TENM3: variants seen among roughly 807,000 people sequenced by gnomAD.
TENM3 encodes the protein teneurin transmembrane protein 3.
Under a neutral mutation model 255.1 loss-of-function variants are expected in TENM3, and 63 were observed. The observed-to-expected ratio is 0.25, with a 90% confidence interval of 0.20 to 0.30. The LOEUF (loss-of-function observed/expected upper bound fraction) is 0.30, where lower values mean the gene tolerates loss of function less well. Ranked by LOEUF, TENM3 falls within the 10% of genes least tolerant of loss-of-function variation. The pLI is 1.00. For missense variants in TENM3, 2,929 were observed against 3,461.1 expected (o/e 0.85, Z 3.86); for synonymous variants, 1,306 against 1,322.3 (o/e 0.99, Z 0.27).
the TENM3 span, among the ~76,000 whole-genome samples, chr4:181,527,613 C>T: frequency 6.7e-6 from 1 of 150,064 alleles, no homozygotes; most frequent in Non-Finnish European, 1.5e-5. Flanking sequence ...CCACCATGCC[C>T]AGCCAGGTTT....
At chr4:181,696,155 C>T in the TENM3 span, among the ~76,000 whole-genome samples, 11 of 152,216 alleles carry the variant, frequency 7.2e-5, no homozygotes, top group Non-Finnish European at 1.3e-4. Context: ...TTCCAGCTAT[C>T]GATGTACATG....
chr4:182,721,374 G>A (rs1759717771), intron 13 of TENM3, among the ~76,000 whole-genome samples: 1 of 152,068 alleles, frequency 6.6e-6, no homozygotes, highest in Non-Finnish European at 1.5e-5. Flanking sequence ...TTCCAAGGAC[G>A]ATATCTTAGA....
chr4:182,432,117 G>T (rs551402189), intron 3 of TENM3, among the ~76,000 whole-genome samples: 3 of 151,156 alleles, frequency 2.0e-5, no homozygotes, highest in Admixed American at 1.3e-4. Context: ...AAGAAAAAAA[G>T]TAAGAGCCAG....
At chr4:181,621,280 A>T in the TENM3 span, among the ~76,000 whole-genome samples, 1 of 152,142 alleles carries the variant, frequency 6.6e-6, no homozygotes, top group South Asian at 2.1e-4. Context: ...TAAATGAATG[A>T]TTTTCTTCAT....
At chr4:181,875,421 A>ATTCTT in the TENM3 span, among the ~76,000 whole-genome samples, 6 of 147,828 alleles carry the variant, frequency 4.1e-5, no homozygotes, top group African/African-American at 1.5e-4. Context: ...TTAGGAACCT[A>ATTCTT]TTTTTTTTTT....
Position 182,260,766 on chromosome 4 carries a change from A to G in TENM3, c.-76+17290A>G, listed in dbSNP as rs72698054. On this transcript the variant is annotated intron_variant, in intron 1 of 27. Transcript: ENST00000511685. The stretch of plus-strand genomic sequence containing the variant: ...GTAGAAAATCAAATCAACATACTGA[A>G]CTCATATAATACTGACAACTATGAA... 2.2e-3 allele frequency among the ~76,000 whole-genome samples: 335 copies of G among 152,326 alleles called. 5 individuals carry two copies. The highest frequency in any genetic ancestry group is 6.7e-3 in the Admixed American group (103 of 15,300).
chr4:182,710,257 T>C (rs1028711778), intron 12 of TENM3, among the ~76,000 whole-genome samples: 3 of 152,234 alleles, frequency 2.0e-5, no homozygotes, highest in Non-Finnish European at 4.4e-5. Flanking sequence ...ACTTTCTTTA[T>C]GTTCAAATCA....
chr4:182,012,012 C>A, the TENM3 span, among the ~76,000 whole-genome samples: 1 of 152,098 alleles, frequency 6.6e-6, no homozygotes, highest in Non-Finnish European at 1.5e-5. Context: ...GGCCCCCAAC[C>A]GACAGCCGGC....
the TENM3 span, among the ~76,000 whole-genome samples, chr4:181,498,856 C>T: frequency 6.6e-6 from 1 of 152,054 alleles, no homozygotes; most frequent in Non-Finnish European, 1.5e-5. Flanking sequence ...ATTAGTAAGG[C>T]GTTAACTAGG....
Position 182,801,647 on chromosome 4 carries a change from GGAAA to G in TENM3, c.*1299_*1302del, listed in dbSNP as rs1250314884. The G allele has an allele frequency of 6.6e-6, 1 of 152,384 alleles. No individual in the cohort carries two copies. Among genetic ancestry groups the G allele is most frequent in the Admixed American group, 6.5e-5 (1 of 15,300 alleles). 9.4% of individuals were successfully genotyped at this position (152,384 alleles called of 1,614,324 possible). A position where few individuals can be genotyped will look rare whatever the true frequency, so the allele number is the denominator to read the frequency against. Reference sequence around the variant, plus strand: ...TCCTAAACACGTGTCTTAAGATCTAGGAAAGACAGCAGAAACCGAGCAGTGGTGG... The same window carrying G: ...TCCTAAACACGTGTCTTAAGATCTAGGACAGCAGAAACCGAGCAGTGGTGG... On this transcript the variant is annotated 3_prime_UTR_variant, in exon 28 of 28. Coordinates refer to ENST00000511685, the MANE Select transcript of TENM3 (RefSeq NM_001080477.4).
At chr4:182,251,517 G>A (rs572090667) in intron 1 of TENM3, among the ~76,000 whole-genome samples, 12 of 152,308 alleles carry the variant, frequency 7.9e-5, no homozygotes, top group African/African-American at 2.9e-4. Flanking sequence ...TGTTAAAATG[G>A]AAAAGTGTGG....
chr4:181,502,431 T>C, the TENM3 span, among the ~76,000 whole-genome samples: 1 of 152,178 alleles, frequency 6.6e-6, no homozygotes, highest in South Asian at 2.1e-4. Context: ...AGGGCTCTCT[T>C]CTTAATGGGA....
chr4:181,791,271 A>G, the TENM3 span, among the ~76,000 whole-genome samples: 1 of 152,202 alleles, frequency 6.6e-6, no homozygotes, highest in Non-Finnish European at 1.5e-5. Context: ...TGCCACATTT[A>G]TATGATACAT....
the TENM3 span, among the ~76,000 whole-genome samples, chr4:182,070,845 A>G: frequency 1.6e-4 from 25 of 152,162 alleles, no homozygotes; most frequent in South Asian, 6.2e-4. Flanking sequence ...ACTTGCTACA[A>G]TTTGGGGGTA....
intron 2 of TENM3, among the ~76,000 whole-genome samples, chr4:182,325,500 T>G (rs1763333703): frequency 6.6e-6 from 1 of 152,224 alleles, no homozygotes; most frequent in South Asian, 2.1e-4. Context: ...ACATTTTTAA[T>G]CCGTTTTTCA....
intron 1 of TENM3, among the ~76,000 whole-genome samples, chr4:182,172,120 G>T (rs918338050): frequency 6.7e-6 from 1 of 148,838 alleles, no homozygotes; most frequent in Non-Finnish European, 1.5e-5. Context: ...TTAGCTCTCT[G>T]TGAAATGTCT....
intron 3 of TENM3, among the ~76,000 whole-genome samples, chr4:182,395,944 C>A (rs1348308371): frequency 1.3e-5 from 2 of 152,084 alleles, no homozygotes; most frequent in African/African-American, 4.8e-5. Flanking sequence ...TTCACTGTCC[C>A]CAAATTGTTA....
Position 182,800,275 on chromosome 4 carries a change from T to C in TENM3, c.8024T>C (p.Val2675Ala). The C allele has an allele frequency of 6.3e-7, 1 of 1,594,264 alleles. No individual in the cohort carries two copies. Residue 2675 changes from valine (V) to alanine (A), a missense_variant, in exon 28 of 28, where the codon GTG becomes GCG. Transcript: ENST00000511685. Reference protein sequence around the residue: ...QGYDGYYVLSVEQYPELADSA... With the variant: ...QGYDGYYVLSAEQYPELADSA... ...TACGACGGGTACTACGTACTCTCGGTGGAGCAGTACCCCGAGCTGGCCGAC... is the reference window on the plus strand; with the variant it reads ...TACGACGGGTACTACGTACTCTCGGCGGAGCAGTACCCCGAGCTGGCCGAC...
chr4:181,961,613 C>G, the TENM3 span, among the ~76,000 whole-genome samples: 6 of 152,030 alleles, frequency 3.9e-5, no homozygotes, highest in Admixed American at 1.3e-4. Flanking sequence ...TAGAGACGGG[C>G]TTTCACCGTG....
Sources: allele counts gnomAD v4.1 joint callset (sites outside exome capture counted in the v4.1 genomes callset), GRCh38; gene constraint gnomAD v4.1.1; transcripts MANE v1.5; gene names NCBI Gene and HGNC (gene_info 2026-07-23, HGNC 2026-07-21).